The following CACNA1C variants were observed in gnomAD, a reference collection of about 807,000 sequenced individuals.
CACNA1C encodes calcium voltage-gated channel subunit alpha1 C.
In CACNA1C, 30 loss-of-function variants were observed where a neutral mutation model predicts 229.0. That is an observed-to-expected ratio of 0.13 (90% CI 0.10 to 0.18). The LOEUF (loss-of-function observed/expected upper bound fraction) is 0.18, where lower values mean the gene tolerates loss of function less well. CACNA1C is among the 10% of genes least tolerant of loss of function. The pLI is 1.00. For missense variants in CACNA1C, 1,658 were observed against 2,845.0 expected (o/e 0.58, Z 9.49); for synonymous variants, 1,114 against 1,132.5 (o/e 0.98, Z 0.33).
intron 9 of CACNA1C, among the ~76,000 whole-genome samples, chr12:2,528,519 C>G (rs2099831481): frequency 1.3e-5 from 2 of 152,372 alleles, no homozygotes; most frequent in African/African-American, 4.8e-5. Flanking sequence ...ACACCCTGAT[C>G]TCTGCACGGA....
At position 2,665,568 on chromosome 12, in the gene CACNA1C, C is replaced by G. The variant is rs2096049348; in HGVS notation, c.4399-13C>G. The G allele has an allele frequency of 5.0e-6, 8 of 1,612,818 alleles. No homozygotes were observed. The highest frequency in any genetic ancestry group is 6.8e-6 in the Non-Finnish European group (8 of 1,179,138). On this transcript the variant is annotated splice_polypyrimidine_tract_variant and intron_variant, in intron 35 of 46. Transcript: ENST00000399655. The surrounding 1 kb of genome is among the most constrained non-coding windows in gnomAD (Gnocchi z 5.9). ...GGTCTTCTCACAGCACCTCATTGTA[C>G]TGTTCCCCACAGATCATCAACCTCT...
At position 2,510,282 on chromosome 12, in the gene CACNA1C, A is replaced by C. The variant is rs560540558; in HGVS notation, c.1218-2530A>C. 6.6e-5 allele frequency among the ~76,000 whole-genome samples: 10 copies of C among 152,332 alleles called. No individual in the cohort carries two copies. The South Asian group carries it at 2.1e-3, about 32-fold the overall frequency. ...TCCAGGCAAGGAGATAAAGAGAGCCAGGCACTGCCACCAGCAGATCCTTTA... is the reference window on the plus strand; with the variant it reads ...TCCAGGCAAGGAGATAAAGAGAGCCCGGCACTGCCACCAGCAGATCCTTTA... On this transcript the variant is annotated intron_variant, in intron 8 of 46. Transcript: ENST00000399655.
chr12:2,039,884 G>A (rs1277173398), intron 1 of CACNA1C, among the ~76,000 whole-genome samples: 2 of 152,124 alleles, frequency 1.3e-5, no homozygotes, highest in African/African-American at 4.8e-5. Context: ...CATCATGTCA[G>A]TGTTGGCTGC....
chr12:2,383,830 G>A (rs1232314065), intron 3 of CACNA1C, among the ~76,000 whole-genome samples: 1 of 152,208 alleles, frequency 6.6e-6, no homozygotes. Context: ...AGAGGCCAGG[G>A]CCCAGTCCTG....
chr12:2,391,963 G>A (rs898170319), intron 3 of CACNA1C, among the ~76,000 whole-genome samples: 36 of 152,342 alleles, frequency 2.4e-4, no homozygotes, highest in South Asian at 1.0e-3. Flanking sequence ...GAGCGTTCCC[G>A]TGTTTGCCAG....
At chr12:2,562,896 C>T (rs915956787) in intron 11 of CACNA1C, among the ~76,000 whole-genome samples, 21 of 152,320 alleles carry the variant, frequency 1.4e-4, no homozygotes, top group Admixed American at 1.1e-3. Flanking sequence ...CAATTCCAGT[C>T]TTTTAGTTTA....
upstream of CACNA1C, among the ~76,000 whole-genome samples, chr12:2,050,105 A>G (rs936165387): frequency 1.3e-5 from 2 of 152,198 alleles, no homozygotes. Context: ...CTCTGTTCCC[A>G]GTGACTTGGC....
chr12:2,022,663 T>C (rs940143065), intron 1 of CACNA1C, among the ~76,000 whole-genome samples: 1 of 152,082 alleles, frequency 6.6e-6, no homozygotes, highest in Non-Finnish European at 1.5e-5. Context: ...CAGTCTGGTC[T>C]CAAACTCCTG....
chr12:2,040,488 G>C (rs1284430364), intron 1 of CACNA1C, among the ~76,000 whole-genome samples: 1 of 152,206 alleles, frequency 6.6e-6, no homozygotes, highest in Non-Finnish European at 1.5e-5. Flanking sequence ...AAATGTGAGA[G>C]AATTTTGTTA....
At chr12:2,578,498 C>T (rs2059371889) in intron 13 of CACNA1C, among the ~76,000 whole-genome samples, 1 of 152,142 alleles carries the variant, frequency 6.6e-6, no homozygotes, top group Admixed American at 6.5e-5. Context: ...CACCTCATAG[C>T]AACACCCGCT....
chr12:2,423,271 A>G (rs1293504099), intron 3 of CACNA1C, among the ~76,000 whole-genome samples: 1 of 152,098 alleles, frequency 6.6e-6, no homozygotes, highest in Non-Finnish European at 1.5e-5. Context: ...CATGTATCTG[A>G]CCACAGTCAC....
In CACNA1C at chr12:2,492,361, C is replaced by T. The variant is rs577006379; in HGVS notation, c.917-829C>T. ...TACTGTTTCCTGACAAAGCCCCGTC[C>T]GTACTGAGGAAGCACACTCCCTATT... On this transcript the variant is annotated intron_variant, in intron 6 of 46. Transcript: ENST00000399655. Among the ~76,000 whole-genome samples, 10 of 152,292 alleles carry T rather than the reference C, an allele frequency of 6.6e-5. 1 individual carries two copies. The highest frequency in any genetic ancestry group is 1.4e-4 in the African/African-American group (6 of 41,570).
intron 3 of CACNA1C, among the ~76,000 whole-genome samples, chr12:2,219,542 T>C (rs1160274886): frequency 2.0e-5 from 3 of 152,236 alleles, no homozygotes; most frequent in African/African-American, 2.4e-5. Flanking sequence ...TTTTGGGGAC[T>C]GTGCCACTCT....
At chr12:2,070,973 GCCTT>G (rs1246387686) in intron 1 of CACNA1C, among the ~76,000 whole-genome samples, 8 of 81,788 alleles carry the variant, frequency 9.8e-5, no homozygotes, top group Admixed American at 3.9e-4. Flanking sequence ...CTGCCTGCCT[GCCTT>G]CCTTCCTTCT....
At chr12:2,066,515 C>T (rs578107140) in intron 1 of CACNA1C, among the ~76,000 whole-genome samples, 23 of 152,154 alleles carry the variant, frequency 1.5e-4, no homozygotes, top group South Asian at 1.0e-3. Flanking sequence ...CTGAGAAGCC[C>T]GCTGGATTGA....
intron 13 of CACNA1C, among the ~76,000 whole-genome samples, chr12:2,572,475 T>C (rs148775456): frequency 0.024 from 124 of 5,246 alleles, 2 homozygotes; most frequent in East Asian, 0.15. Flanking sequence ...TCTTCCTCCT[T>C]CTCCTCTTCC....
At chr12:2,015,150 G>T (rs2045131623) in intron 1 of CACNA1C, among the ~76,000 whole-genome samples, 2 of 152,182 alleles carry the variant, frequency 1.3e-5, no homozygotes, top group South Asian at 2.1e-4. Flanking sequence ...TAGTTTACCA[G>T]TCAGGGGACT....
intron 1 of CACNA1C, among the ~76,000 whole-genome samples, chr12:1,980,808 A>C (rs1484307772): frequency 6.6e-6 from 1 of 151,982 alleles, no homozygotes; most frequent in Non-Finnish European, 1.5e-5. Context: ...CCATGGTTTA[A>C]CAGGGCCAGG....
intron 3 of CACNA1C, among the ~76,000 whole-genome samples, chr12:2,328,135 G>A (rs777024443): frequency 3.9e-5 from 6 of 152,144 alleles, no homozygotes; most frequent in Non-Finnish European, 7.3e-5. Context: ...TTTTCTCCCC[G>A]TGCACTGAGA....
Sources: gnomAD v4.1 joint callset for allele counts (sites outside exome capture counted in the v4.1 genomes callset) on GRCh38, gnomAD v4.1.1 for gene constraint, Gnocchi (gnomAD v3.1) non-coding constraint, MANE v1.5 for transcripts, NCBI Gene and HGNC (gene_info 2026-07-23, HGNC 2026-07-21) for gene names.